MDGA2: variants seen among roughly 807,000 people sequenced by gnomAD.
MDGA2 encodes the protein MAM domain-containing glycosylphosphatidylinositol anchor protein 2.
In MDGA2, 40 loss-of-function variants were observed where a neutral mutation model predicts 117.8. That is an observed-to-expected ratio of 0.34 (90% confidence interval 0.26 to 0.44). MDGA2 has a LOEUF of 0.44. Among genes scored for constraint, MDGA2 ranks in the 20% least tolerant of loss-of-function variants. The pLI is 1.00. For synonymous variants in MDGA2, 452 were observed against 439.0 expected, an observed-to-expected ratio of 1.03 and a Z score of -0.37; for missense variants, 1,123 against 1,250.6, an observed-to-expected ratio of 0.90 and a Z score of 1.54.
At chr14:47,322,060 A>G (rs190343763) in intron 1 of MDGA2, among the ~76,000 whole-genome samples, 132 of 152,242 alleles carry the variant, frequency 8.7e-4, no homozygotes, top group African/African-American at 2.9e-3. Flanking sequence ...GAGGAAACTG[A>G]GTGGAGAGAA....
rs747840335 is a variant in MDGA2, at chr14:47,179,663, G to A, written c.596-35389C>T. On this transcript the variant is annotated intron_variant, in intron 3 of 16. Coordinates refer to ENST00000399232, the MANE Select transcript of MDGA2 (RefSeq NM_001113498.3). ...TACACATCACATAAAAGTATTTAAA[G>A]CACAGAATTATAAGGTTCTATGGTT... Among the ~76,000 whole-genome samples the A allele has an allele frequency of 3.9e-5, 6 of 151,944 alleles. No homozygotes were observed. The South Asian group carries it at 1.0e-3, about 26-fold the overall frequency.
At chr14:47,497,896 G>A (rs188694453) in intron 1 of MDGA2, among the ~76,000 whole-genome samples, 56 of 152,000 alleles carry the variant, frequency 3.7e-4, no homozygotes, top group African/African-American at 1.2e-3. Context: ...TACAAATTTG[G>A]GAGGCAATAA....
intron 1 of MDGA2, among the ~76,000 whole-genome samples, chr14:47,597,890 CAG>C (rs1196901844): frequency 6.9e-6 from 1 of 144,316 alleles, no homozygotes; most frequent in Non-Finnish European, 1.5e-5. Context: ...ACACAAAACA[CAG>C]AGTCTGGACT....
intron 1 of MDGA2, among the ~76,000 whole-genome samples, chr14:47,355,851 A>G (rs919677327): frequency 6.6e-6 from 1 of 152,208 alleles, no homozygotes; most frequent in Non-Finnish European, 1.5e-5. Context: ...CTCAGAAGCT[A>G]GGAGGCAGAT....
chr14:46,868,194 T>C (rs1881854082), intron 14 of MDGA2, among the ~76,000 whole-genome samples: 1 of 151,866 alleles, frequency 6.6e-6, no homozygotes, highest in Non-Finnish European at 1.5e-5. Flanking sequence ...TCAGGAGTTT[T>C]GGGAACAAAA....
In MDGA2 at chr14:47,123,108, T is replaced by C. The variant is rs186689573; in HGVS notation, c.925+8606A>G. 1.5e-3 allele frequency among the ~76,000 whole-genome samples: 223 copies of C among 152,186 alleles called. 1 individual carries two copies. The highest frequency in any genetic ancestry group is 3.4e-3 in the Middle Eastern group (1 of 294). On this transcript the variant is annotated intron_variant, in intron 5 of 16. Transcript: ENST00000399232. ...AATATTTGTATTGTGAGATGGCTTT[T>C]AGTGTTGTCTTTCATTTGACTAAGG...
intron 8 of MDGA2, among the ~76,000 whole-genome samples, chr14:46,987,651 C>T (rs1183037141): frequency 6.6e-6 from 1 of 151,936 alleles, no homozygotes; most frequent in African/African-American, 2.4e-5. Flanking sequence ...AATTAAGCTC[C>T]TAAATATGCA....
At chr14:46,935,041 AAAG>A in intron 9 of MDGA2, among the ~76,000 whole-genome samples, 1 of 152,254 alleles carries the variant, frequency 6.6e-6, no homozygotes, top group South Asian at 2.1e-4. Context: ...TTAAAAAAAA[AAAG>A]AGTTATGCCA....
chr14:47,604,045 A>T (rs1009330318), intron 1 of MDGA2, among the ~76,000 whole-genome samples: 1 of 152,170 alleles, frequency 6.6e-6, no homozygotes, highest in Non-Finnish European at 1.5e-5. Context: ...CTGCGGAACC[A>T]TGAGTCAAAT....
chr14:47,282,555 G>A (rs112490228), intron 2 of MDGA2, among the ~76,000 whole-genome samples: 13,791 of 151,956 alleles, frequency 0.091, 778 homozygotes, highest in Non-Finnish European at 0.11. Context: ...CAAATTAGCC[G>A]GGTGTGGCGG....
At chr14:47,178,700 G>A (rs1884577448) in intron 3 of MDGA2, among the ~76,000 whole-genome samples, 1 of 152,146 alleles carries the variant, frequency 6.6e-6, no homozygotes, top group Non-Finnish European at 1.5e-5. Flanking sequence ...CTTGTGTCGT[G>A]GTGCTATGGG....
chr14:47,268,158 C>G (rs752136171), intron 2 of MDGA2, among the ~76,000 whole-genome samples: 1 of 151,740 alleles, frequency 6.6e-6, no homozygotes, highest in Non-Finnish European at 1.5e-5. Context: ...CTGCAACCTC[C>G]GCCTCCCTGG....
chr14:47,363,673 C>A (rs573630981), intron 1 of MDGA2, among the ~76,000 whole-genome samples: 1 of 151,614 alleles, frequency 6.6e-6, no homozygotes, highest in African/African-American at 2.4e-5. Flanking sequence ...CATTTACTTT[C>A]TTTTATAAAC....
At chr14:47,498,146 G>T (rs1894321245) in intron 1 of MDGA2, among the ~76,000 whole-genome samples, 1 of 152,196 alleles carries the variant, frequency 6.6e-6, no homozygotes, top group African/African-American at 2.4e-5. Context: ...GCAAACAGCA[G>T]AAGGAGCAGA....
chr14:47,511,146 G>A (rs10131523), intron 1 of MDGA2, among the ~76,000 whole-genome samples: 112,746 of 152,122 alleles, frequency 0.74, 42,280 homozygotes, highest in East Asian at 1. Flanking sequence ...CAGATCTTGG[G>A]ACAGTACCTA....
intron 9 of MDGA2, among the ~76,000 whole-genome samples, chr14:46,953,215 T>C (rs186910818): frequency 0.011 from 1,683 of 151,326 alleles, 15 homozygotes; most frequent in Middle Eastern, 0.038. Context: ...TTCCTGACTG[T>C]AAAAAAAATC....
chr14:47,379,450 C>T (rs1046243557), intron 1 of MDGA2, among the ~76,000 whole-genome samples: 1 of 152,180 alleles, frequency 6.6e-6, no homozygotes, highest in Non-Finnish European at 1.5e-5. Context: ...GAAGACCCAT[C>T]AGTGTGCGGT....
Position 47,397,392 on chromosome 14 carries a change from T to C in MDGA2, c.281-95842A>G, listed in dbSNP as rs1467421903. On this transcript the variant is annotated intron_variant, in intron 1 of 16. Coordinates refer to ENST00000399232, the MANE Select transcript of MDGA2 (RefSeq NM_001113498.3). ...ATACCTAATGTGGATGATGGGTTGA[T>C]GGGTGCAGCAAACCACCATGGCATA... 2.6e-5 allele frequency among the ~76,000 whole-genome samples: 4 copies of C among 152,000 alleles called. 1 individual carries two copies. The highest frequency in any genetic ancestry group is 9.7e-5 in the African/African-American group (4 of 41,376).
intron 8 of MDGA2, among the ~76,000 whole-genome samples, chr14:46,963,247 T>C (rs1885881099): frequency 1.3e-5 from 2 of 152,228 alleles, no homozygotes; most frequent in Admixed American, 1.3e-4. Flanking sequence ...TTTGTCACTA[T>C]ATCCACTACC....
Sources: gnomAD v4.1 joint callset for allele counts (sites outside exome capture counted in the v4.1 genomes callset) on GRCh38, gnomAD v4.1.1 for gene constraint, MANE v1.5 for transcripts, NCBI Gene and HGNC (gene_info 2026-07-23, HGNC 2026-07-21) for gene names.